SLCO3A1: variants seen among roughly 807,000 people sequenced by gnomAD.
The protein encoded by SLCO3A1 is solute carrier organic anion transporter family member 3A1, also known as PGE1 transporter.
A neutral mutation model predicts 63.1 loss-of-function variants in SLCO3A1; 27 were observed. The ratio of observed to expected loss-of-function variants is 0.43; its 90% CI spans 0.32 to 0.59. The LOEUF is 0.59. Ranked by LOEUF, SLCO3A1 falls within the 20% of genes least tolerant of loss-of-function variation. The pLI is 0.09. For synonymous variants in SLCO3A1, 473 were observed against 409.9 expected (o/e 1.15, Z -1.86); for missense variants, 773 against 945.8 (o/e 0.82, Z 2.40).
intron 2 of SLCO3A1, among the ~76,000 whole-genome samples, chr15:92,015,916 G>A (rs1051805538): frequency 6.6e-6 from 1 of 152,122 alleles, no homozygotes; most frequent in African/African-American, 2.4e-5. Flanking sequence ...AGAAAAATAC[G>A]AAATGGAAAT....
downstream of SLCO3A1, among the ~76,000 whole-genome samples, chr15:92,167,322 C>G (rs1425810731): frequency 6.6e-6 from 1 of 152,174 alleles, no homozygotes; most frequent in Non-Finnish European, 1.5e-5. Flanking sequence ...CAACCATGAT[C>G]CATGTTTCCT....
In SLCO3A1 at chr15:92,116,087, C is replaced by A. The variant is rs145113127; in HGVS notation, c.1010-4378C>A. 3.8e-3 allele frequency among the ~76,000 whole-genome samples: 577 copies of A among 152,260 alleles called. 6 individuals are homozygous for A. The highest frequency in any genetic ancestry group is 0.013 in the African/African-American group (548 of 41,534). ...GGGTTTCAGTTTCTGCTGTGCTGCT[C>A]TAACCATGGGACCTCTCTCTGCCTC... On this transcript the variant is annotated intron_variant, in intron 4 of 9. Transcript: ENST00000318445.
chr15:91,984,252 GAC>G (rs1334792775), intron 2 of SLCO3A1, among the ~76,000 whole-genome samples: 2 of 152,140 alleles, frequency 1.3e-5, no homozygotes, highest in African/African-American at 4.8e-5. Flanking sequence ...CCTCTTTCCA[GAC>G]TATTACTCAA....
intron 2 of SLCO3A1, among the ~76,000 whole-genome samples, chr15:91,957,485 T>C (rs72754089): frequency 0.076 from 11,519 of 151,930 alleles, 497 homozygotes; most frequent in Non-Finnish European, 0.09. Context: ...CCTGGTGGCA[T>C]CTTCTTGCTT....
chr15:92,025,888 C>T (rs557985358), intron 2 of SLCO3A1, among the ~76,000 whole-genome samples: 3 of 152,322 alleles, frequency 2.0e-5, no homozygotes, highest in African/African-American at 2.4e-5. Context: ...GAGTGGTACA[C>T]GGGTTTCTAA....
chr15:91,953,427 T>TG (rs944756566), intron 2 of SLCO3A1, among the ~76,000 whole-genome samples: 74 of 151,684 alleles, frequency 4.9e-4, no homozygotes, highest in African/African-American at 1.7e-3. Flanking sequence ...GTGAATGCGG[T>TG]GGGGGGAGGA....
At chr15:91,960,052 C>T (rs1019928599) in intron 2 of SLCO3A1, among the ~76,000 whole-genome samples, 12 of 152,036 alleles carry the variant, frequency 7.9e-5, no homozygotes, top group Admixed American at 6.5e-4. Context: ...GGCACAATCT[C>T]GGCTCACTGC....
At chr15:92,007,632 A>C (rs1422625607) in intron 2 of SLCO3A1, among the ~76,000 whole-genome samples, 4 of 152,018 alleles carry the variant, frequency 2.6e-5, no homozygotes, top group African/African-American at 9.7e-5. Context: ...GACGCTAAGA[A>C]CCTCTCGCAG....
At chr15:92,048,886 C>T (rs975833932) in intron 2 of SLCO3A1, among the ~76,000 whole-genome samples, 20 of 152,184 alleles carry the variant, frequency 1.3e-4, no homozygotes, top group Non-Finnish European at 2.6e-4. Context: ...AGCATTTGTG[C>T]ATTCAGCAGT....
At position 92,164,139 on chromosome 15, in the gene SLCO3A1, T is replaced by TAACA; in HGVS notation, c.*1005_*1008dup. ...AATCTGTGTTAACCCTTCAAGTCAC[T>TAACA]AACACAGTTCTCTAGGCCGGATTTA... is the stretch of plus-strand genomic sequence containing the variant. On this transcript the variant is annotated 3_prime_UTR_variant, in exon 10 of 10. Transcript: ENST00000318445. 1 of 983,866 alleles carries TAACA rather than the reference T, an allele frequency of 1.0e-6. No homozygotes were observed. Among genetic ancestry groups the TAACA allele is most frequent in the Non-Finnish European group, 1.2e-6 (1 of 828,460 alleles). The allele number at this position is 983,866 out of a possible 1,614,324, so 60.9% of individuals were successfully genotyped here.
At chr15:91,991,589 TAAAAG>T (rs1597197080) in intron 2 of SLCO3A1, among the ~76,000 whole-genome samples, 2 of 152,318 alleles carry the variant, frequency 1.3e-5, no homozygotes, top group Middle Eastern at 3.4e-3. Context: ...TTTCAAAAGT[TAAAAG>T]AGAACAGATG....
intron 1 of SLCO3A1, among the ~76,000 whole-genome samples, chr15:91,911,755 G>C (rs949310924): frequency 2.0e-5 from 3 of 151,966 alleles, no homozygotes; most frequent in Admixed American, 2.0e-4. Flanking sequence ...GCCTCCAGAG[G>C]AGCTGGGACT....
chr15:92,078,170 C>T (rs1182777578), intron 2 of SLCO3A1, among the ~76,000 whole-genome samples: 4 of 152,132 alleles, frequency 2.6e-5, no homozygotes, highest in African/African-American at 7.2e-5. Context: ...CGAGTTAGTT[C>T]GCTATATCCC....
chr15:91,916,180 C>T lies in SLCO3A1; in HGVS notation c.368C>T (p.Ser123Leu). 1 of 1,598,740 alleles carries T rather than the reference C, an allele frequency of 6.3e-7. No individual in the cohort carries two copies. The highest frequency in any genetic ancestry group is 8.5e-7 in the Non-Finnish European group (1 of 1,175,272). The part of the protein sequence containing the change: ...GIVMALGALL[S>L]ALPEFLTHQY... ...GTCATGGCGCTGGGCGCGCTGCTGT[C>T]GGCGCTGCCCGAGTTCCTGACCCAC... The change falls in exon 2 of 10, where the codon TCG (serine) becomes TTG (leucine). Residue 123 changes from serine to leucine, a missense_variant. Around this residue, in one of 3 missense-constraint regions of SLCO3A1, gnomAD observed 565 missense variants for 749.8 expected, o/e 0.75. Coordinates refer to ENST00000318445, the MANE Select transcript of SLCO3A1 (RefSeq NM_013272.4). The surrounding 1 kb of genome is among the most constrained non-coding windows in gnomAD (Gnocchi z 6.2).
At position 92,164,297 on chromosome 15, in the gene SLCO3A1, A is replaced by T; in HGVS notation, c.*1162A>T. Reference sequence around the variant, plus strand: ...GAATATTCTACAAAAACAAGAATATACAATGTGTTACAAGAAGAAAAAAAA... The same window carrying T: ...GAATATTCTACAAAAACAAGAATATTCAATGTGTTACAAGAAGAAAAAAAA... On this transcript the variant is annotated 3_prime_UTR_variant, in exon 10 of 10. Coordinates refer to ENST00000318445, the MANE Select transcript of SLCO3A1 (RefSeq NM_013272.4). 1 of 983,996 alleles carries T rather than the reference A, an allele frequency of 1.0e-6. No homozygotes were observed. The highest frequency in any genetic ancestry group is 1.2e-6 in the Non-Finnish European group (1 of 828,606). 61.0% of individuals were successfully genotyped at this position (983,996 alleles called of 1,614,324 possible).
At chr15:92,103,845 G>T (rs11630872) in intron 3 of SLCO3A1, among the ~76,000 whole-genome samples, 41,564 of 151,868 alleles carry the variant, frequency 0.27, 6,600 homozygotes, top group Middle Eastern at 0.39. Context: ...CTAAATTGAG[G>T]CAGTGAGTGG....
intron 3 of SLCO3A1, among the ~76,000 whole-genome samples, chr15:92,102,100 CT>C (rs2047612287): frequency 6.6e-6 from 1 of 152,230 alleles, no homozygotes; most frequent in East Asian, 1.9e-4. Flanking sequence ...CATCTGCCAG[CT>C]TTTCAATTCC....
chr15:91,981,686 C>A (rs2045989630), intron 2 of SLCO3A1, among the ~76,000 whole-genome samples: 1 of 152,170 alleles, frequency 6.6e-6, no homozygotes, highest in Non-Finnish European at 1.5e-5. Context: ...ATCCGAAAAC[C>A]CTTTACAAAG....
In SLCO3A1 at chr15:91,942,360, G is replaced by A. The variant is rs890271404; in HGVS notation, c.646+25902G>A. 4.9e-4 allele frequency among the ~76,000 whole-genome samples: 75 copies of A among 152,254 alleles called. No homozygotes were observed. The highest frequency in any genetic ancestry group is 1.7e-3 in the African/African-American group (70 of 41,542). The stretch of plus-strand genomic sequence containing the variant: ...ATATGAGAACACACACCTGTCCATC[G>A]TTGAGATTTTGTTTTATGTATATTC... On this transcript the variant is annotated intron_variant, in intron 2 of 9. Coordinates refer to ENST00000318445, the MANE Select transcript of SLCO3A1 (RefSeq NM_013272.4). This position sits in a 1 kb window ranked among gnomAD's most constrained non-coding sequence, Gnocchi z 4.1.
Sources: gnomAD v4.1 joint callset for allele counts (sites outside exome capture counted in the v4.1 genomes callset) on GRCh38, gnomAD v4.1.1 for gene constraint, gnomAD v4.1.1 regional missense constraint, Gnocchi (gnomAD v3.1) non-coding constraint, MANE v1.5 for transcripts, NCBI Gene and HGNC (gene_info 2026-07-23, HGNC 2026-07-21) for gene names.